Variants in NUP160 observed in about 807,000 individuals in gnomAD.
The protein encoded by NUP160 is nucleoporin 160.
Under a neutral mutation model 196.9 loss-of-function variants are expected in NUP160, and 94 were observed. The ratio of observed to expected loss-of-function variants is 0.48; its 90% CI spans 0.40 to 0.57. The LOEUF (loss-of-function observed/expected upper bound fraction) is 0.57, where lower values mean the gene tolerates loss of function less well. Among genes scored for constraint, NUP160 ranks in the 20% least tolerant of loss-of-function variants. The pLI is 0.00. For synonymous variants in NUP160, 605 were observed against 619.7 expected (o/e 0.98, Z 0.35); for missense variants, 1,638 against 1,748.3 (o/e 0.94, Z 1.13).
chr11:47,840,918 A>G (rs1207574561), intron 2 of NUP160, among the ~76,000 whole-genome samples: 2 of 152,160 alleles, frequency 1.3e-5, no homozygotes, highest in Non-Finnish European at 2.9e-5. Context: ...TGTGGCCTCC[A>G]TATATACTAC....
At chr11:47,847,659 A>AGGGGGGG (rs1852426152) in intron 2 of NUP160, among the ~76,000 whole-genome samples, 189 bp downstream of exon 2, 2 of 70,190 alleles carry the variant, frequency 2.8e-5, no homozygotes, top group African/African-American at 6.1e-5. Flanking sequence ...GGGGGGGGGG[A>AGGGGGGG]GGGGGAGAGG....
intron 33 of NUP160, among the ~76,000 whole-genome samples, chr11:47,784,006 TAAAAA>T (rs55761726): frequency 6.8e-6 from 1 of 146,914 alleles, no homozygotes; most frequent in South Asian, 2.1e-4. Flanking sequence ...CTTTCTACCT[TAAAAA>T]AAAAACAAAA....
chr11:47,806,852 C>CACACACATAT (rs1428564239), intron 19 of NUP160, among the ~76,000 whole-genome samples: 17 of 124,322 alleles, frequency 1.4e-4, no homozygotes, highest in African/African-American at 5.1e-4. Context: ...CACACACACA[C>CACACACATAT]ATATATATAC....
At chr11:47,807,389 G>A (rs939631958) in intron 18 of NUP160, among the ~76,000 whole-genome samples, 4 of 152,144 alleles carry the variant, frequency 2.6e-5, no homozygotes, top group African/African-American at 9.7e-5. Context: ...ATCTCGGCGG[G>A]GTGTGGTGGC....
At chr11:47,816,781 GA>G (rs11347850) in intron 11 of NUP160, among the ~76,000 whole-genome samples, 135,569 of 140,956 alleles carry the variant, frequency 0.96, 65,303 homozygotes, top group South Asian at 1. Flanking sequence ...GCCTCAAAGG[GA>G]AAAAAAAAAA....
chr11:47,795,420 T>TA (rs2097670329), intron 27 of NUP160, among the ~76,000 whole-genome samples: 1 of 152,198 alleles, frequency 6.6e-6, no homozygotes, highest in Non-Finnish European at 1.5e-5. Context: ...TTTATTTCCC[T>TA]TCCTATATGA....
chr11:47,839,963 T>A (rs1852262449), exon 4 of NUP160: 2 of 1,614,150 alleles, frequency 1.2e-6, no homozygotes, highest in East Asian at 4.5e-5. Context: ...TTAGGAGATA[T>A]TCCAGGTACT....
chr11:47,786,330 T>C, intron 32 of NUP160, 123 bp downstream of exon 32: 1 of 564,032 alleles, frequency 1.8e-6, no homozygotes, highest in Non-Finnish European at 3.2e-6. Flanking sequence ...CCAGCCCCTA[T>C]AAAAACTTAG....
At chr11:47,801,660 A>T in intron 23 of NUP160, 151 bp downstream of exon 23, 1 of 742,262 alleles carries the variant, frequency 1.3e-6, no homozygotes, top group African/African-American at 1.8e-5. Context: ...ATGTTTCTTT[A>T]ATTTCTCTAG....
chr11:47,806,933 G>T, intron 19 of NUP160, 137 bp downstream of exon 19: 1 of 622,820 alleles, frequency 1.6e-6, no homozygotes, highest in East Asian at 2.8e-5. Context: ...GAGATCTCAG[G>T]CCACAGCTTA....
chr11:47,812,154 G>A, exon 17 of NUP160: 1 of 1,613,964 alleles, frequency 6.2e-7, no homozygotes, highest in South Asian at 1.1e-5. Flanking sequence ...GCACCCCTCT[G>A]CACACAATAT....
chr11:47,841,449 A>C lies in NUP160; in HGVS notation c.315-861T>G, dbSNP rs1327384893. The C allele has an allele frequency of 7.2e-6, 3 of 418,950 alleles. No homozygotes were observed. In the East Asian group the frequency reaches 1.6e-4, roughly 22 times the overall value. 26.0% of individuals were successfully genotyped at this position (418,950 alleles called of 1,614,324 possible). ...GGTTCACAGGCGCCACTGGCAGAGC[A>C]TTTCTTTTTAACAAGGTAGTGAACC... On this transcript the variant is annotated intron_variant, in intron 2 of 35. Coordinates refer to ENST00000378460, the Ensembl canonical transcript of NUP160.
Position 47,804,609 on chromosome 11 carries a change from G to C in NUP160, c.2616C>G (p.Ser872Arg), listed in dbSNP as rs767598983. ...ATTCTAGAAAGAGACAACCAGGATT[G>C]CTAGGCCATCTAGTCATTGGTTAAG... The change falls in exon 21 of 36, where the codon AGC becomes AGG. Residue 872 changes from serine (S) to arginine (R), a missense_variant. Around this residue, in one of 3 missense-constraint regions of NUP160, gnomAD observed 1,345 missense variants for 1,470.2 expected, o/e 0.91. Transcript: ENST00000378460. 6.5e-7 allele frequency: 1 copy of C among 1,527,484 alleles called. No individual in the cohort carries two copies. Among genetic ancestry groups the C allele is most frequent in the South Asian group, 1.3e-5 (1 of 75,242 alleles). The allele number at this position is 1,527,484 out of a possible 1,614,324, so 94.6% of individuals were successfully genotyped here.
Position 47,822,174 on chromosome 11 carries a change from C to T in NUP160, c.1102-10G>A, listed in dbSNP as rs113947408. On this transcript the variant is annotated splice_polypyrimidine_tract_variant and intron_variant, in intron 7 of 35. Coordinates refer to ENST00000378460, the Ensembl canonical transcript of NUP160. Reference sequence around the variant, plus strand: ...ACTGGAAAATGCAGAACTGTTAAAACACAAGATGATCATTTATTACCTGAA... The same window carrying T: ...ACTGGAAAATGCAGAACTGTTAAAATACAAGATGATCATTTATTACCTGAA... 9 of 1,557,628 alleles carry T rather than the reference C, an allele frequency of 5.8e-6. No homozygotes were observed. Among genetic ancestry groups the T allele is most frequent in the Non-Finnish European group, 7.1e-6 (8 of 1,130,942 alleles).
At chr11:47,815,603 C>T (rs1381027133) in exon 13 of NUP160, 14 of 1,611,634 alleles carry the variant, frequency 8.7e-6, no homozygotes, top group East Asian at 2.2e-5. Flanking sequence ...TTGTAAATTT[C>T]GAAACTCCTC....
At chr11:47,799,235 C>G (rs2097672719) in intron 23 of NUP160, among the ~76,000 whole-genome samples, 1 of 151,430 alleles carries the variant, frequency 6.6e-6, no homozygotes. Context: ...ACAGGCATGC[C>G]CCACCACGTT....
chr11:47,818,017 G>C, intron 11 of NUP160, 39 bp downstream of exon 11: 2 of 1,283,148 alleles, frequency 1.6e-6, no homozygotes. Flanking sequence ...AATAAAATAA[G>C]AAATAGTCTT....
At chr11:47,816,961 T>C (rs1851739824) in intron 11 of NUP160, among the ~76,000 whole-genome samples, 1 of 148,198 alleles carries the variant, frequency 6.7e-6, no homozygotes, top group South Asian at 2.2e-4. Flanking sequence ...TTTGTAACCT[T>C]AAAAAATCCT....
chr11:47,801,312 C>T (rs1342730168), intron 23 of NUP160, among the ~76,000 whole-genome samples: 1 of 152,026 alleles, frequency 6.6e-6, no homozygotes, highest in Non-Finnish European at 1.5e-5. Flanking sequence ...ATTATAGATC[C>T]TGGGAAAAAA....
Sources: gnomAD v4.1 joint callset for allele counts (sites outside exome capture counted in the v4.1 genomes callset) on GRCh38, gnomAD v4.1.1 for gene constraint, gnomAD v4.1.1 regional missense constraint, MANE v1.5 for transcripts, NCBI Gene and HGNC (gene_info 2026-07-23, HGNC 2026-07-21) for gene names.